Variants in DNAH5 observed in about 807,000 individuals in gnomAD.
DNAH5 encodes the protein axonemal beta dynein heavy chain 5.
Under a neutral mutation model 518.2 loss-of-function variants are expected in DNAH5, and 372 were observed. That is an observed-to-expected ratio of 0.72 (90% CI 0.66 to 0.78). The LOEUF (loss-of-function observed/expected upper bound fraction) is 0.78. Among genes scored for constraint, DNAH5 ranks in the 30% least tolerant of loss-of-function variants. DNAH5 has a pLI of 0.00. For missense variants in DNAH5, 5,523 were observed against 5,687.0 expected (o/e 0.97, Z 0.93); for synonymous variants, 2,039 against 2,025.9 (o/e 1.01, Z -0.17).
intron 65 of DNAH5, among the ~76,000 whole-genome samples, chr5:13,742,294 T>C (rs1252376926): frequency 6.6e-6 from 1 of 152,084 alleles, no homozygotes; most frequent in Admixed American, 6.6e-5. Context: ...ACAAAAACTT[T>C]TACCTTTCTG....
chr5:13,928,582 G>T (rs1778109633), intron 2 of DNAH5, among the ~76,000 whole-genome samples: 1 of 152,040 alleles, frequency 6.6e-6, no homozygotes. Context: ...ATATTAAATT[G>T]CAATAATCAC....
intron 49 of DNAH5, among the ~76,000 whole-genome samples, chr5:13,792,706 TAA>T: frequency 6.6e-6 from 1 of 152,324 alleles, no homozygotes; most frequent in East Asian, 1.9e-4. Flanking sequence ...CAAGCTTAGA[TAA>T]TTCCAATGTC....
Position 13,871,782 on chromosome 5 carries a change from G to A in DNAH5, c.3397-17C>T, listed in dbSNP as rs752402704. ...AATAACTTCCTGAATGCAAATAACAGATTTATGTTAAGAAGGAAGAATCTG... is the reference window on the plus strand; with the variant it reads ...AATAACTTCCTGAATGCAAATAACAAATTTATGTTAAGAAGGAAGAATCTG... On this transcript the variant is annotated splice_polypyrimidine_tract_variant and intron_variant, in intron 22 of 78. Coordinates refer to ENST00000265104, the MANE Select transcript of DNAH5 (RefSeq NM_001369.3). 15 of 1,605,316 alleles carry A rather than the reference G, an allele frequency of 9.3e-6. No homozygotes were observed. The South Asian group carries it at 1.5e-4, about 16-fold the overall frequency.
At position 13,793,950 on chromosome 5, in the gene DNAH5, C is replaced by G; in HGVS notation, c.7996G>C (p.Glu2666Gln). The G allele has an allele frequency of 6.2e-7, 1 of 1,614,012 alleles. No individual in the cohort carries two copies. Among genetic ancestry groups the G allele is most frequent in the South Asian group, 1.1e-5 (1 of 91,072 alleles). Residue 2666 changes from glutamate to glutamine, a missense_variant, in exon 48 of 79, where the codon GAG (glutamate) becomes CAG (glutamine). Glu to Gln is a conservative substitution (Grantham distance 29). Around this residue, in one of 3 missense-constraint regions of DNAH5, gnomAD observed 5,121 missense variants for 5,223.3 expected, o/e 0.98. Coordinates refer to ENST00000265104, the MANE Select transcript of DNAH5 (RefSeq NM_001369.3). ...AATGATGATACCTGATCTCCCCACT[C>G]ATTGATTATTGGCATATTCACATCA... ...IDDVNMPIIN[E>Q]WGDQVTNEIV...
intron 15 of DNAH5, chr5:13,898,746 T>C (rs1023942580): frequency 8.1e-5 from 32 of 396,936 alleles, no homozygotes; most frequent in South Asian, 4.2e-4. Flanking sequence ...TGCAAGTGCA[T>C]GGACTTAGTA....
chr5:13,981,871 C>A (rs936440964), intron 1 of DNAH5, among the ~76,000 whole-genome samples: 1 of 152,200 alleles, frequency 6.6e-6, no homozygotes, highest in Non-Finnish European at 1.5e-5. Flanking sequence ...ATGTGGCCAA[C>A]ACTGAAGTCA....
intron 6 of DNAH5, 35 bp from the exon 7 acceptor site, chr5:13,919,387 A>C: frequency 6.2e-7 from 1 of 1,610,956 alleles, no homozygotes; most frequent in South Asian, 1.1e-5. Flanking sequence ...GAGCCATTGC[A>C]CGGGGCTGGA....
chr5:13,850,367 A>T (rs1766661294), intron 31 of DNAH5, among the ~76,000 whole-genome samples: 1 of 152,214 alleles, frequency 6.6e-6, no homozygotes, highest in Non-Finnish European at 1.5e-5. Context: ...AATGTCAGAA[A>T]ATAGGTGTAT....
At chr5:13,709,873 A>T (rs1743259832) in intron 75 of DNAH5, among the ~76,000 whole-genome samples, 1 of 152,026 alleles carries the variant, frequency 6.6e-6, no homozygotes, top group African/African-American at 2.4e-5. Context: ...GTCCTTCCCT[A>T]CCCACCCTGG....
chr5:13,951,188 GTT>G (rs67338706), intron 1 of DNAH5, among the ~76,000 whole-genome samples: 1 of 122,746 alleles, frequency 8.1e-6, no homozygotes, highest in African/African-American at 3.2e-5. Context: ...TGTCTCTTTT[GTT>G]TTTTTTTTGT....
At chr5:14,007,309 G>A (rs184889703) in intron 1 of DNAH5, among the ~76,000 whole-genome samples, 6 of 152,250 alleles carry the variant, frequency 3.9e-5, no homozygotes, top group Admixed American at 3.3e-4. Context: ...GTTCAGAAAC[G>A]ATCCACAGAG....
chr5:13,973,654 T>C (rs776124867), intron 1 of DNAH5, among the ~76,000 whole-genome samples: 30 of 151,512 alleles, frequency 2.0e-4, no homozygotes, highest in Admixed American at 9.9e-4. Context: ...GAGATGTGGA[T>C]ATATATAGTC....
chr5:13,873,786 C>T (rs886893830), intron 22 of DNAH5, among the ~76,000 whole-genome samples: 16 of 152,190 alleles, frequency 1.1e-4, no homozygotes, highest in Admixed American at 9.8e-4. Context: ...CAAACATGAG[C>T]CACGGCGCCT....
chr5:13,753,249 CT>C lies in DNAH5; in HGVS notation c.10855del (p.Ser3619AlafsTer10). ...QGKIWIKNKESRNELQITSLN... is the reference protein window; with the variant it reads ...QGKIWIKNKEXRNELQITSLN... ...ACAAATTACCTGGAGTTCATTTCGG[CT>C]TTCTTTATTTTTAATCCAGATCTTG... is the stretch of plus-strand genomic sequence containing the variant. On this transcript the variant is annotated frameshift_variant, in exon 63 of 79. Coordinates refer to ENST00000265104, the MANE Select transcript of DNAH5 (RefSeq NM_001369.3). LOFTEE classifies it high-confidence loss of function. The C allele has an allele frequency of 6.2e-7, 1 of 1,613,748 alleles. No homozygotes were observed. Among genetic ancestry groups the C allele is most frequent in the East Asian group, 2.2e-5 (1 of 44,834 alleles).
Position 13,900,644 on chromosome 5 carries a change from C to G in DNAH5, c.2053-232G>C, listed in dbSNP as rs7718822. 5,724 of 558,654 alleles carry G rather than the reference C, an allele frequency of 0.01. 233 individuals carry two copies. Among genetic ancestry groups the G allele is most frequent in the African/African-American group, 0.092 (4,872 of 53,204 alleles). The allele number at this position is 558,654 out of a possible 1,614,324, so 34.6% of individuals were successfully genotyped here. A position where few individuals can be genotyped will look rare whatever the true frequency, so the allele number is the denominator to read the frequency against. On this transcript the variant is annotated intron_variant, in intron 14 of 78. Coordinates refer to ENST00000265104, the MANE Select transcript of DNAH5 (RefSeq NM_001369.3). ...AATTCAATAAAACCTTTCAATGACT[C>G]TAACACTGATAAATAAGTGGACACT... is the stretch of plus-strand genomic sequence containing the variant.
At chr5:13,914,400 G>T (rs1776395893) in intron 10 of DNAH5, 120 bp downstream of exon 10, 2 of 1,235,116 alleles carry the variant, frequency 1.6e-6, no homozygotes, top group Non-Finnish European at 2.3e-6. Context: ...TTTCTTCATA[G>T]TTAAGAATCA....
Position 13,982,801 on chromosome 5 carries a change from G to A in DNAH5, c.12+28847C>T, listed in dbSNP as rs140174366. Among the ~76,000 whole-genome samples the A allele has an allele frequency of 1.6e-4, 24 of 152,406 alleles. 1 individual carries two copies. Among genetic ancestry groups the A allele is most frequent in the African/African-American group, 5.5e-4 (23 of 41,598 alleles). ...TCTGCCTTTTTGCAAGAGGCAGAGA[G>A]AAATCAGCAGGTCCCTCACCCTTGG... On this transcript the variant is annotated intron_variant, in intron 1 of 78. Coordinates refer to the DNAH5 transcript ENST00000681290.
chr5:13,763,025 G>A (rs1752000566), intron 59 of DNAH5, 124 bp from the exon 60 acceptor site: 1 of 852,042 alleles, frequency 1.2e-6, no homozygotes, highest in Non-Finnish European at 1.9e-6. Flanking sequence ...ATCATATTTT[G>A]TCACTATTTT....
intron 1 of DNAH5, among the ~76,000 whole-genome samples, chr5:13,957,537 C>T (rs1342765192): frequency 1.3e-5 from 2 of 151,944 alleles, no homozygotes; most frequent in Non-Finnish European, 2.9e-5. Flanking sequence ...GACATTTTCT[C>T]TATCTATATC....
Sources: allele counts gnomAD v4.1 joint callset (sites outside exome capture counted in the v4.1 genomes callset), GRCh38; gene constraint gnomAD v4.1.1; regional missense constraint gnomAD v4.1.1; transcripts MANE v1.5; gene names NCBI Gene and HGNC (gene_info 2026-07-23, HGNC 2026-07-21).